The following RCC1 variants were observed in gnomAD, a reference collection of about 807,000 sequenced individuals.
The protein encoded by RCC1 is regulator of chromosome condensation 1, also known as regulator of chromosome condensation.
RCC1 carries 11 observed loss-of-function variants against 44.4 expected under a neutral mutation model. That is an observed-to-expected ratio of 0.25 (90% CI 0.16 to 0.41). The LOEUF is 0.41. RCC1 is among the 10% of genes least tolerant of loss of function. The pLI is 1.00. For synonymous variants in RCC1, 213 were observed against 216.5 expected, an observed-to-expected ratio of 0.98 and a Z score of 0.14; for missense variants, 386 against 547.1, an observed-to-expected ratio of 0.71 and a Z score of 2.94.
At chr1:28,522,738 C>G (rs894825914) in intron 4 of RCC1, among the ~76,000 whole-genome samples, 1 of 151,736 alleles carries the variant, frequency 6.6e-6, no homozygotes, top group Non-Finnish European at 1.5e-5. Context: ...TCGCTTGAGC[C>G]TAGGAGGTGG....
intron 4 of RCC1, chr1:28,527,347 C>G (rs12137993): frequency 0.27 from 130,380 of 486,392 alleles, 18,436 homozygotes; most frequent in Middle Eastern, 0.35. Flanking sequence ...TCACGCCATC[C>G]TCCCACCTCA....
chr1:28,506,137 G>C, intron 1 of RCC1, 53 bp downstream of exon 1: 3 of 454,116 alleles, frequency 6.6e-6, no homozygotes, highest in South Asian at 4.7e-5. Context: ...GGAGTTGTGG[G>C]TCTAATGCTA....
At position 28,536,222 on chromosome 1, in the gene RCC1, A is replaced by G; in HGVS notation, c.818-40A>G. 1 of 1,606,898 alleles carries G rather than the reference A, an allele frequency of 6.2e-7. No homozygotes were observed. Among genetic ancestry groups the G allele is most frequent in the Non-Finnish European group, 8.5e-7 (1 of 1,176,524 alleles). ...GAGGAGATTGAGAAGGGCAGCTCTCAGAACACCTTCACCCCTGATGGCTCC... is the reference window on the plus strand; with the variant it reads ...GAGGAGATTGAGAAGGGCAGCTCTCGGAACACCTTCACCCCTGATGGCTCC... On this transcript the variant is annotated intron_variant, in intron 10 of 12. Coordinates refer to ENST00000683442, the MANE Select transcript of RCC1 (RefSeq NM_001381865.2). This position sits in a 1 kb window ranked among gnomAD's most constrained non-coding sequence, Gnocchi z 4.9.
In RCC1 at chr1:28,531,049, T is replaced by A. The variant is rs566625886; in HGVS notation, c.74-754T>A. Among the ~76,000 whole-genome samples the A allele has an allele frequency of 2.0e-5, 3 of 152,190 alleles. No individual in the cohort carries two copies. The South Asian group carries it at 6.2e-4, about 32-fold the overall frequency. On this transcript the variant is annotated intron_variant, in intron 5 of 12. Transcript: ENST00000683442. Reference sequence around the variant, plus strand: ...ATCGAGACCATCCTGGCTAACACGGTGAAACCCCGTCTCTACTAAAATACA... The same window carrying A: ...ATCGAGACCATCCTGGCTAACACGGAGAAACCCCGTCTCTACTAAAATACA...
intron 4 of RCC1, chr1:28,527,032 G>A: frequency 2.5e-6 from 2 of 814,506 alleles, no homozygotes; most frequent in Non-Finnish European, 4.4e-6. Flanking sequence ...GCGCATGCTG[G>A]GTGACATCAG....
chr1:28,517,121 CA>C (rs796542591), intron 4 of RCC1, among the ~76,000 whole-genome samples: 150 of 135,884 alleles, frequency 1.1e-3, no homozygotes, highest in Admixed American at 1.1e-3. Flanking sequence ...GACTCGATCT[CA>C]AAAAAAAAAA....
chr1:28,529,427 G>A (rs1209042986), intron 4 of RCC1, among the ~76,000 whole-genome samples: 2 of 151,700 alleles, frequency 1.3e-5, no homozygotes, highest in African/African-American at 2.4e-5. Context: ...CAGGTAATCC[G>A]CCCGCCCCGG....
intron 3 of RCC1, chr1:28,509,775 C>G (rs1434295877): frequency 6.6e-6 from 1 of 151,984 alleles, no homozygotes; most frequent in African/African-American, 2.4e-5. Context: ...CTTGGGTTCA[C>G]TTTATATTGG....
At chr1:28,507,214 C>T (rs1242071869) in intron 1 of RCC1, 1 of 400,050 alleles carries the variant, frequency 2.5e-6, no homozygotes, top group Non-Finnish European at 4.9e-6. Context: ...GCTGAATATG[C>T]ATGTTACCAG....
At chr1:28,511,189 T>C (rs546565759) in intron 3 of RCC1, among the ~76,000 whole-genome samples, 1 of 152,276 alleles carries the variant, frequency 6.6e-6, no homozygotes, top group East Asian at 1.9e-4. Context: ...CATGAGACTT[T>C]GGGTGAGTTA....
At chr1:28,511,976 C>CTTT (rs36018995) in intron 3 of RCC1, among the ~76,000 whole-genome samples, 1 of 99,496 alleles carries the variant, frequency 1.0e-5, no homozygotes, top group Non-Finnish European at 1.9e-5. Context: ...AAGCCTGATC[C>CTTT]TTTTTTTTTT....
chr1:28,511,870 G>T (rs1304737358), intron 3 of RCC1, among the ~76,000 whole-genome samples: 1 of 151,478 alleles, frequency 6.6e-6, no homozygotes, highest in Non-Finnish European at 1.5e-5. Flanking sequence ...CACCATGTTA[G>T]CCAGGCTGGT....
At chr1:28,513,307 G>T (rs1197022173) in intron 3 of RCC1, among the ~76,000 whole-genome samples, 1 of 152,084 alleles carries the variant, frequency 6.6e-6, no homozygotes, top group Non-Finnish European at 1.5e-5. Flanking sequence ...CAATTTTCAT[G>T]CCTCAGCCTC....
intron 4 of RCC1, among the ~76,000 whole-genome samples, chr1:28,527,830 A>G (rs910439511): frequency 1.3e-5 from 2 of 150,242 alleles, no homozygotes; most frequent in Non-Finnish European, 3.0e-5. Flanking sequence ...ACCAACATGG[A>G]GAAACCCCAT....
Position 28,522,542 on chromosome 1 carries a change from TCA to T in RCC1, c.-10+5677_-10+5678del, listed in dbSNP as rs201005252. On this transcript the variant is annotated intron_variant, in intron 4 of 12. Transcript: ENST00000683442. ...CATGAATGAGGCCGGGCATGGTACC[TCA>T]CGCCTATAATCCCAGTACTTTGGGA... 8.6e-3 allele frequency among the ~76,000 whole-genome samples: 1,301 copies of T among 151,984 alleles called. 16 individuals are homozygous for T. Among genetic ancestry groups the T allele is most frequent in the African/African-American group, 0.03 (1,241 of 41,446 alleles).
Position 28,516,778 on chromosome 1 carries a change from C to T in RCC1, c.-99C>T. 1 of 455,206 alleles carries T rather than the reference C, an allele frequency of 2.2e-6. No individual in the cohort carries two copies. Among genetic ancestry groups the T allele is most frequent in the Non-Finnish European group, 4.4e-6 (1 of 226,484 alleles). The allele number at this position is 455,206 out of a possible 1,614,324, so 28.2% of individuals were successfully genotyped here. A position where few individuals can be genotyped will look rare whatever the true frequency, so the allele number is the denominator to read the frequency against. On this transcript the variant is annotated 5_prime_UTR_variant, in exon 4 of 13. It introduces an in-frame stop codon into an upstream open reading frame of the 5' UTR. Transcript: ENST00000683442. ...AGACAGCAGAGAGAGAGAGAGAGAT[C>T]AGAGATCCCAGGGTTAAAAGTTGGA...
chr1:28,514,045 T>C (rs1662717920), intron 3 of RCC1, among the ~76,000 whole-genome samples: 1 of 151,572 alleles, frequency 6.6e-6, no homozygotes, highest in African/African-American at 2.4e-5. Context: ...GGTGCTCGCC[T>C]GTAGTCTCAG....
At chr1:28,515,047 G>C (rs1169121635) in intron 3 of RCC1, among the ~76,000 whole-genome samples, 3 of 152,154 alleles carry the variant, frequency 2.0e-5, no homozygotes, top group Non-Finnish European at 4.4e-5. Flanking sequence ...GGATGCCAAG[G>C]CAGGCTGACT....
At chr1:28,533,491 G>A (rs945939916) in intron 7 of RCC1, among the ~76,000 whole-genome samples, 2 of 148,578 alleles carry the variant, frequency 1.3e-5, no homozygotes, top group African/African-American at 4.9e-5. Context: ...AAAGAAGTCC[G>A]GGCGCAGTAG....
Sources: allele counts gnomAD v4.1 joint callset (sites outside exome capture counted in the v4.1 genomes callset), GRCh38; gene constraint gnomAD v4.1.1; non-coding constraint Gnocchi (gnomAD v3.1); transcripts MANE v1.5; gene names NCBI Gene and HGNC (gene_info 2026-07-23, HGNC 2026-07-21).